The following LIN7A variants were observed in gnomAD, a reference collection of about 807,000 sequenced individuals.
LIN7A encodes the protein lin-7 cell polarity scaffold A.
In LIN7A, 25 loss-of-function variants were observed where a neutral mutation model predicts 29.8. That is an observed-to-expected ratio of 0.84 (90% confidence interval 0.61 to 1.17). The LOEUF (loss-of-function observed/expected upper bound fraction) is 1.17. LIN7A is among the 50% of genes most tolerant of loss of function. The pLI is 0.00. For missense variants in LIN7A, 239 were observed against 287.0 expected, an observed-to-expected ratio of 0.83 and a Z score of 1.21; for synonymous variants, 118 against 107.5, an observed-to-expected ratio of 1.10 and a Z score of -0.60.
At chr12:80,847,772 A>G (rs1301975348) in intron 3 of LIN7A, among the ~76,000 whole-genome samples, 6 of 152,136 alleles carry the variant, frequency 3.9e-5, no homozygotes, top group Admixed American at 3.9e-4. Flanking sequence ...CGTTTTCTAT[A>G]AGGTCTATGC....
At chr12:80,851,654 G>C (rs77299087) in intron 2 of LIN7A, among the ~76,000 whole-genome samples, 3,275 of 152,198 alleles carry the variant, frequency 0.022, 111 homozygotes, top group African/African-American at 0.07. Context: ...TTCTTAAAGG[G>C]AAAACAGAAA....
In LIN7A at chr12:80,848,107, T is replaced by C. The variant is rs1421312312; in HGVS notation, c.273+144A>G. The C allele has an allele frequency of 5.6e-6, 4 of 708,456 alleles. No individual in the cohort carries two copies. In the East Asian group the frequency reaches 8.2e-5, roughly 14 times the overall value. The allele number at this position is 708,456 out of a possible 1,614,324, so 43.9% of individuals were successfully genotyped here. On this transcript the variant is annotated intron_variant, in intron 3 of 5. Coordinates refer to ENST00000552864, the MANE Select transcript of LIN7A (RefSeq NM_004664.4). ...TCCATTAGGATTTTTACCTGAGAAG[T>C]AGTACTGGTTCTAGACTCTGGGCTG...
chr12:80,842,822 T>A (rs1872884589), intron 4 of LIN7A, among the ~76,000 whole-genome samples: 1 of 152,162 alleles, frequency 6.6e-6, no homozygotes, highest in Admixed American at 6.6e-5. Flanking sequence ...TGGTCAATAT[T>A]AGGCATTGTT....
intron 1 of LIN7A, among the ~76,000 whole-genome samples, chr12:80,935,124 T>C (rs1301005631): frequency 6.6e-6 from 1 of 152,228 alleles, no homozygotes; most frequent in Non-Finnish European, 1.5e-5. Context: ...CAACTTAACA[T>C]TATTTTTTTA....
At chr12:80,915,210 G>C (rs1876972703) in intron 1 of LIN7A, among the ~76,000 whole-genome samples, 1 of 148,224 alleles carries the variant, frequency 6.7e-6, no homozygotes, top group Non-Finnish European at 1.5e-5. Context: ...CTGGGTAAAG[G>C]ACATGAACAG....
At chr12:80,839,508 C>T (rs1015546446) in intron 4 of LIN7A, among the ~76,000 whole-genome samples, 8 of 152,148 alleles carry the variant, frequency 5.3e-5, no homozygotes, top group Non-Finnish European at 8.8e-5. Flanking sequence ...TGGGATAAGG[C>T]AATGAATACA....
intron 4 of LIN7A, among the ~76,000 whole-genome samples, chr12:80,828,192 T>A (rs1042953644): frequency 6.6e-6 from 1 of 152,190 alleles, no homozygotes; most frequent in African/African-American, 2.4e-5. Context: ...AAATAAAGTA[T>A]ATCCATATCT....
intron 1 of LIN7A, 38 bp downstream of exon 1, chr12:80,937,603 G>T: frequency 7.2e-7 from 1 of 1,397,220 alleles, no homozygotes; most frequent in Non-Finnish European, 9.6e-7. Context: ...GGAGGGGAGA[G>T]GGGACGCGGT....
chr12:80,806,492 C>T (rs1870995520), intron 5 of LIN7A, among the ~76,000 whole-genome samples: 1 of 152,102 alleles, frequency 6.6e-6, no homozygotes, highest in Non-Finnish European at 1.5e-5. Context: ...TCACTATTTA[C>T]CATTGCCAGG....
chr12:80,906,901 C>T (rs1483002681), intron 1 of LIN7A, among the ~76,000 whole-genome samples: 2 of 152,084 alleles, frequency 1.3e-5, no homozygotes, highest in Non-Finnish European at 2.9e-5. Flanking sequence ...GTTTTCAGGA[C>T]AGATAATTAG....
intron 4 of LIN7A, among the ~76,000 whole-genome samples, chr12:80,838,748 T>C (rs1565896672): frequency 6.6e-6 from 1 of 152,202 alleles, no homozygotes; most frequent in Non-Finnish European, 1.5e-5. Context: ...TTGAGGTCTC[T>C]TAGCTGGAAT....
At chr12:80,801,095 C>T (rs1338165079) in intron 5 of LIN7A, among the ~76,000 whole-genome samples, 5 of 150,890 alleles carry the variant, frequency 3.3e-5, no homozygotes, top group Middle Eastern at 3.4e-3. Context: ...TACATATAAA[C>T]ATACATATAT....
chr12:80,912,405 C>T (rs887411582), intron 1 of LIN7A, among the ~76,000 whole-genome samples: 1 of 151,946 alleles, frequency 6.6e-6, no homozygotes, highest in African/African-American at 2.4e-5. Context: ...TATCATTAAT[C>T]ATAGATCTCC....
chr12:80,850,735 C>A (rs1386487980), intron 2 of LIN7A, among the ~76,000 whole-genome samples: 1 of 152,134 alleles, frequency 6.6e-6, no homozygotes, highest in Non-Finnish European at 1.5e-5. Context: ...TAAGCTATAC[C>A]TTTTCTTCGT....
chr12:80,868,787 T>C (rs1041116733), intron 2 of LIN7A, among the ~76,000 whole-genome samples: 1 of 152,176 alleles, frequency 6.6e-6, no homozygotes, highest in Admixed American at 6.5e-5. Context: ...ATAAACTATG[T>C]AGCAGATAAG....
At chr12:80,883,626 A>G (rs1180837005) in intron 2 of LIN7A, among the ~76,000 whole-genome samples, 1 of 152,206 alleles carries the variant, frequency 6.6e-6, no homozygotes, top group Non-Finnish European at 1.5e-5. Flanking sequence ...GATAAAATCC[A>G]TTGATTGTGT....
chr12:80,917,213 T>TG (rs913839391), intron 1 of LIN7A, among the ~76,000 whole-genome samples: 39 of 152,198 alleles, frequency 2.6e-4, no homozygotes, highest in African/African-American at 8.4e-4. Flanking sequence ...CTTATAAATG[T>TG]GAAAAATTAA....
At chr12:80,862,040 G>A (rs938434194) in intron 2 of LIN7A, among the ~76,000 whole-genome samples, 2 of 152,184 alleles carry the variant, frequency 1.3e-5, no homozygotes, top group African/African-American at 4.8e-5. Flanking sequence ...GATAATAGTT[G>A]TGTGACCCTC....
At position 80,830,458 on chromosome 12, in the gene LIN7A, C is replaced by T. The variant is rs777689054; in HGVS notation, c.483+15272G>A. ...CAGTGCATTTAGAGTGCTCTGCAGA[C>T]GCTTGGCTTAGAAGCCCTGGAAGGA... On this transcript the variant is annotated intron_variant, in intron 4 of 5. Transcript: ENST00000552864. Among the ~76,000 whole-genome samples, 19 of 152,072 alleles carry T rather than the reference C, an allele frequency of 1.2e-4. 1 individual carries two copies. The highest frequency in any genetic ancestry group is 8.8e-5 in the Non-Finnish European group (6 of 68,018).
Sources: gnomAD v4.1 joint callset for allele counts (sites outside exome capture counted in the v4.1 genomes callset) on GRCh38, gnomAD v4.1.1 for gene constraint, MANE v1.5 for transcripts, NCBI Gene and HGNC (gene_info 2026-07-23, HGNC 2026-07-21) for gene names.